Variants in CHRDL2 observed in about 807,000 individuals in gnomAD.
The protein encoded by CHRDL2 is chordin-like protein 2.
CHRDL2 carries 41 observed loss-of-function variants against 54.3 expected under a neutral mutation model. The observed-to-expected ratio is 0.76, with a 90% CI of 0.59 to 0.98. CHRDL2 has a LOEUF of 0.98. CHRDL2 is among the 50% of genes least tolerant of loss of function. CHRDL2 has a pLI of 0.00. For synonymous variants in CHRDL2, 220 were observed against 224.3 expected, an observed-to-expected ratio of 0.98 and a Z score of 0.17; for missense variants, 518 against 562.4, an observed-to-expected ratio of 0.92 and a Z score of 0.80.
intron 1 of CHRDL2, among the ~76,000 whole-genome samples, chr11:74,723,106 G>C (rs754110477): frequency 5.9e-5 from 9 of 152,162 alleles, no homozygotes; most frequent in Non-Finnish European, 1.2e-4. Flanking sequence ...AGATCATGCT[G>C]GACCTGGACC....
chr11:74,708,434 A>G (rs1224207615), intron 4 of CHRDL2, 39 bp from the exon 5 acceptor site: 1 of 1,465,816 alleles, frequency 6.8e-7, no homozygotes, highest in African/African-American at 1.4e-5. Flanking sequence ...ATGAGCTCTG[A>G]TAAGGGCTAG....
intron 4 of CHRDL2, among the ~76,000 whole-genome samples, chr11:74,709,943 G>A (rs937795159): frequency 6.6e-6 from 1 of 152,150 alleles, no homozygotes; most frequent in Non-Finnish European, 1.5e-5. Flanking sequence ...TGGGCTGGGC[G>A]CGGTGGCTCA....
chr11:74,729,452 C>G (rs1324752733), intron 1 of CHRDL2, among the ~76,000 whole-genome samples: 1 of 152,172 alleles, frequency 6.6e-6, no homozygotes, highest in Non-Finnish European at 1.5e-5. Context: ...TACAAAAAGT[C>G]ACACAGCTCT....
Position 74,731,086 on chromosome 11 carries a change from A to G in CHRDL2, c.-198T>C. On this transcript the variant is annotated 5_prime_UTR_variant, in exon 1 of 11. Transcript: ENST00000376332. This position sits in a 1 kb window ranked among gnomAD's most constrained non-coding sequence, Gnocchi z 4.4. ...AAGGGAGGTCTAAGGTGGGAAGAAGAGAAAGGTGGAAAGAGAACGCGGGGA... is the reference window on the plus strand; with the variant it reads ...AAGGGAGGTCTAAGGTGGGAAGAAGGGAAAGGTGGAAAGAGAACGCGGGGA... 1.7e-6 allele frequency: 1 copy of G among 584,662 alleles called. No individual in the cohort carries two copies. The allele number at this position is 584,662 out of a possible 1,614,324, so 36.2% of individuals were successfully genotyped here.
intron 2 of CHRDL2, 28 bp from the exon 3 acceptor site, chr11:74,713,507 G>C: frequency 1.3e-6 from 2 of 1,587,664 alleles, no homozygotes; most frequent in African/African-American, 1.3e-5. Context: ...GTCAGCCCTG[G>C]TTCAAAGAAC....
At position 74,715,489 on chromosome 11, in the gene CHRDL2, GC is replaced by G. The variant is rs377025816; in HGVS notation, c.196-2011del. 7.5e-4 allele frequency among the ~76,000 whole-genome samples: 114 copies of G among 152,036 alleles called. 2 individuals carry two copies. The East Asian group carries it at 0.022, about 29-fold the overall frequency. Reference sequence around the variant, plus strand: ...CAGTAGTGGTGTGCCTGTAATCCCAGCTACTTGGGAGGCTGAGGCAGAAGTA... The same window carrying G: ...CAGTAGTGGTGTGCCTGTAATCCCAGTACTTGGGAGGCTGAGGCAGAAGTA... On this transcript the variant is annotated intron_variant, in intron 2 of 10. Transcript: ENST00000376332.
intron 1 of CHRDL2, among the ~76,000 whole-genome samples, chr11:74,724,046 A>G (rs1423663489): frequency 6.6e-6 from 1 of 152,186 alleles, no homozygotes; most frequent in Non-Finnish European, 1.5e-5. Flanking sequence ...CTCCTGAAGG[A>G]GCTCACAGCC....
intron 10 of CHRDL2, among the ~76,000 whole-genome samples, 180 bp downstream of exon 10, chr11:74,697,025 C>T (rs528943590): frequency 3.9e-5 from 6 of 152,336 alleles, no homozygotes; most frequent in South Asian, 2.1e-4. Context: ...TTCACCTTCC[C>T]GCTCTGGAGT....
At chr11:74,721,902 T>A (rs1373957788) in intron 1 of CHRDL2, among the ~76,000 whole-genome samples, 1 of 152,246 alleles carries the variant, frequency 6.6e-6, no homozygotes, top group African/African-American at 2.4e-5. Context: ...GATTCTAAGG[T>A]TCAGGATTTT....
chr11:74,699,542 A>G (rs915485815), intron 9 of CHRDL2: 2 of 152,348 alleles, frequency 1.3e-5, no homozygotes, highest in African/African-American at 4.8e-5. Context: ...GGGTATGTAC[A>G]GTCAGGTGCC....
chr11:74,723,515 TATTA>T (rs897587738), intron 1 of CHRDL2, among the ~76,000 whole-genome samples: 3 of 152,200 alleles, frequency 2.0e-5, no homozygotes, highest in Admixed American at 1.3e-4. Flanking sequence ...TTCCTTTCCT[TATTA>T]ATTGAGAACT....
At chr11:74,714,815 C>A (rs1029109998) in intron 2 of CHRDL2, among the ~76,000 whole-genome samples, 6 of 152,072 alleles carry the variant, frequency 3.9e-5, no homozygotes, top group Admixed American at 6.6e-5. Context: ...TCGAAGGAGC[C>A]AAGGATGGCG....
chr11:74,696,956 C>T (rs1397094111), intron 10 of CHRDL2, among the ~76,000 whole-genome samples: 2 of 152,172 alleles, frequency 1.3e-5, no homozygotes, highest in African/African-American at 2.4e-5. Context: ...GGGCTCAGAC[C>T]TCCCCTCTCC....
chr11:74,697,816 G>A, intron 9 of CHRDL2: 1 of 304,660 alleles, frequency 3.3e-6, no homozygotes, highest in South Asian at 2.8e-5. Context: ...AGGGCAGGAA[G>A]GGAGGAAGGA....
At chr11:74,699,430 C>T (rs2033726593) in intron 9 of CHRDL2, 1 of 152,308 alleles carries the variant, frequency 6.6e-6, no homozygotes, top group Non-Finnish European at 1.5e-5. Flanking sequence ...ATGGGCAAGT[C>T]CAGGGACACA....
At position 74,731,169 on chromosome 11, in the gene CHRDL2, G is replaced by C. The variant is rs1197708240; in HGVS notation, c.-281C>G. ...CCAGCAGAAGGGAGAGGCGATCAAA[G>C]AAAGGGGGAAGGTGAGAGGGAGAGG... On this transcript the variant is annotated 5_prime_UTR_variant, in exon 1 of 11. Coordinates refer to ENST00000376332, the MANE Select transcript of CHRDL2 (RefSeq NM_001278473.3). This position sits in a 1 kb window ranked among gnomAD's most constrained non-coding sequence, Gnocchi z 4.4. 1 of 423,780 alleles carries C rather than the reference G, an allele frequency of 2.4e-6. No homozygotes were observed. Among genetic ancestry groups the C allele is most frequent in the Admixed American group, 4.0e-5 (1 of 24,736 alleles). 26.3% of individuals were successfully genotyped at this position (423,780 alleles called of 1,614,324 possible).
chr11:74,703,079 T>C, intron 8 of CHRDL2, 112 bp from the exon 9 acceptor site: 1 of 1,152,708 alleles, frequency 8.7e-7, no homozygotes, highest in South Asian at 1.5e-5. Flanking sequence ...TTACTGATTC[T>C]ATGTTAACAA....
intron 6 of CHRDL2, among the ~76,000 whole-genome samples, 199 bp downstream of exon 6, chr11:74,706,288 T>C (rs2135246089): frequency 6.6e-6 from 1 of 152,214 alleles, no homozygotes; most frequent in South Asian, 2.1e-4. Context: ...AGGCCACTCC[T>C]TATCCATCAA....
intron 1 of CHRDL2, among the ~76,000 whole-genome samples, 158 bp downstream of exon 1, chr11:74,730,649 C>A (rs977858216): frequency 2.7e-4 from 41 of 152,202 alleles, no homozygotes; most frequent in African/African-American, 9.7e-4. Context: ...TCCTCCGGTC[C>A]CCCGGCCCAT....
Sources: gnomAD v4.1 joint callset for allele counts (sites outside exome capture counted in the v4.1 genomes callset) on GRCh38, gnomAD v4.1.1 for gene constraint, Gnocchi (gnomAD v3.1) non-coding constraint, MANE v1.5 for transcripts, NCBI Gene and HGNC (gene_info 2026-07-23, HGNC 2026-07-21) for gene names.